COL4A4: variants seen among roughly 807,000 people sequenced by gnomAD.
COL4A4 encodes collagen type IV alpha 4 chain, also known as collagen alpha-4(IV) chain.
In COL4A4, 105 loss-of-function variants were observed where a neutral mutation model predicts 192.9. The ratio of observed to expected loss-of-function variants is 0.54; its 90% confidence interval spans 0.46 to 0.64. The LOEUF (loss-of-function observed/expected upper bound fraction) is 0.64. Among genes scored for constraint, COL4A4 ranks in the 30% least tolerant of loss-of-function variants. The pLI, the probability that COL4A4 is intolerant of heterozygous loss-of-function variation, is 0.00. For synonymous variants in COL4A4, 762 were observed against 769.9 expected (o/e 0.99, Z 0.17); for missense variants, 1,967 against 2,169.3 (o/e 0.91, Z 1.85).
intron 1 of COL4A4, among the ~76,000 whole-genome samples, chr2:227,152,773 T>C (rs928069967): frequency 1.3e-5 from 2 of 152,182 alleles, no homozygotes; most frequent in Non-Finnish European, 2.9e-5. Flanking sequence ...CAAACAAAAA[T>C]ACCCCATCAC....
chr2:226,979,740 G>A, the COL4A4 span, among the ~76,000 whole-genome samples: 866 of 152,258 alleles, frequency 5.7e-3, 10 homozygotes, highest in African/African-American at 0.02. Flanking sequence ...CTTGAATGTC[G>A]GTCAGTCTCT....
intron 20 of COL4A4, among the ~76,000 whole-genome samples, chr2:227,091,084 C>T (rs908839226): frequency 4.0e-5 from 6 of 151,754 alleles, no homozygotes; most frequent in Admixed American, 2.6e-4. Flanking sequence ...AATAGACCCC[C>T]TACTATCCCC....
chr2:227,063,304 C>T (rs1276515978), intron 25 of COL4A4, among the ~76,000 whole-genome samples: 1 of 152,116 alleles, frequency 6.6e-6, no homozygotes, highest in East Asian at 1.9e-4. Flanking sequence ...CCTCTCAGTT[C>T]CTGTATCCTA....
chr2:227,132,444 G>A (rs547715647), intron 4 of COL4A4, among the ~76,000 whole-genome samples: 195 of 152,266 alleles, frequency 1.3e-3, no homozygotes, highest in African/African-American at 4.6e-3. Context: ...TGAATGGAAA[G>A]CTATTATTAT....
chr2:227,002,639 C>T (rs1351377518), downstream of COL4A4: 1 of 152,504 alleles, frequency 6.6e-6, no homozygotes, highest in African/African-American at 2.4e-5. Flanking sequence ...AGCCACATTA[C>T]AATGTAAGCT....
chr2:227,129,155 T>A (rs1273679710), intron 4 of COL4A4, among the ~76,000 whole-genome samples: 2 of 152,150 alleles, frequency 1.3e-5, no homozygotes, highest in Non-Finnish European at 2.9e-5. Flanking sequence ...AAGTCATCCC[T>A]GTATCTACGA....
At chr2:226,986,900 T>C in the COL4A4 span, among the ~76,000 whole-genome samples, 1 of 152,236 alleles carries the variant, frequency 6.6e-6, no homozygotes, top group East Asian at 1.9e-4. Flanking sequence ...TGTAGCACTA[T>C]TCATAATAGC....
the COL4A4 span, among the ~76,000 whole-genome samples, chr2:226,983,197 T>A: frequency 6.6e-6 from 1 of 152,178 alleles, no homozygotes. Flanking sequence ...TGCACATTTC[T>A]GGGTCCCCCA....
In COL4A4 at chr2:227,043,131, C is replaced by T; in HGVS notation, c.3343G>A (p.Gly1115Arg). The T allele has an allele frequency of 6.2e-7, 1 of 1,614,082 alleles. No individual in the cohort carries two copies. The highest frequency in any genetic ancestry group is 8.5e-7 in the Non-Finnish European group (1 of 1,180,020). Residue 1115 changes from glycine to arginine, a missense_variant, in exon 36 of 48, where the codon GGA becomes AGA. Coordinates refer to ENST00000396625, the MANE Select transcript of COL4A4 (RefSeq NM_000092.5). ...QGLPGIQGPR[G>R]SPGRPGPPGS... is the part of the protein sequence containing the mutation. Reference sequence around the variant, plus strand: ...GGTGGCCCTGGCCTTCCAGGTGATCCTCTGGGCCCTTGAATACCAGGCAAG... The same window carrying T: ...GGTGGCCCTGGCCTTCCAGGTGATCTTCTGGGCCCTTGAATACCAGGCAAG...
chr2:227,044,748 TA>T (rs139143979), intron 35 of COL4A4, among the ~76,000 whole-genome samples: 1,721 of 152,304 alleles, frequency 0.011, 20 homozygotes, highest in African/African-American at 0.039. Context: ...TAATCACATA[TA>T]ATCCCAAGAC....
chr2:227,109,685 T>C (rs1035467425), intron 9 of COL4A4, among the ~76,000 whole-genome samples: 2 of 151,252 alleles, frequency 1.3e-5, no homozygotes, highest in African/African-American at 4.9e-5. Flanking sequence ...AATCGGAGAT[T>C]GCAGTGAGCC....
At chr2:227,150,598 G>A (rs2063864298) in intron 1 of COL4A4, among the ~76,000 whole-genome samples, 1 of 152,190 alleles carries the variant, frequency 6.6e-6, no homozygotes, top group Admixed American at 6.5e-5. Flanking sequence ...AATTTATAAA[G>A]AAAAGAGGAG....
chr2:227,159,047 T>A (rs1458532932), intron 1 of COL4A4, among the ~76,000 whole-genome samples: 4 of 152,170 alleles, frequency 2.6e-5, no homozygotes. Context: ...AGCCCCAAAC[T>A]GGAAACAATC....
At chr2:226,968,840 C>G in the COL4A4 span, 2 of 152,338 alleles carry the variant, frequency 1.3e-5, no homozygotes, top group African/African-American at 4.8e-5. Flanking sequence ...TTTCCCTGAA[C>G]CTCAGCTCTC....
chr2:227,101,024 G>A (rs1182130688), intron 17 of COL4A4, among the ~76,000 whole-genome samples: 1 of 152,096 alleles, frequency 6.6e-6, no homozygotes, highest in East Asian at 1.9e-4. Context: ...TAGCCAGGAT[G>A]GTCTCGATCT....
chr2:226,978,312 C>T, the COL4A4 span, among the ~76,000 whole-genome samples: 1 of 152,232 alleles, frequency 6.6e-6, no homozygotes, highest in Admixed American at 6.5e-5. Context: ...CTGCTAGCCC[C>T]CCATTAAAAA....
intron 21 of COL4A4, among the ~76,000 whole-genome samples, chr2:227,089,611 A>ATATATATATATATATG (rs1491267361): frequency 8.4e-5 from 10 of 119,626 alleles, no homozygotes; most frequent in African/African-American, 3.8e-4. Context: ...ATATATATAC[A>ATATATATATATATATG]TACATATATA....
At chr2:227,035,466 C>G (rs1246129886) in intron 37 of COL4A4, among the ~76,000 whole-genome samples, 1 of 150,078 alleles carries the variant, frequency 6.7e-6, no homozygotes, top group Non-Finnish European at 1.5e-5. Flanking sequence ...TTGAAACAGA[C>G]AGTCATTATT....
chr2:227,067,863 A>C (rs1192927368), intron 25 of COL4A4, among the ~76,000 whole-genome samples: 2 of 147,208 alleles, frequency 1.4e-5, no homozygotes, highest in African/African-American at 2.5e-5. Context: ...GAAATAACTA[A>C]AATCAGAGCA....
Sources: gnomAD v4.1 joint callset for allele counts (sites outside exome capture counted in the v4.1 genomes callset) on GRCh38, gnomAD v4.1.1 for gene constraint, MANE v1.5 for transcripts, NCBI Gene and HGNC (gene_info 2026-07-23, HGNC 2026-07-21) for gene names.